The following BANK1 variants were observed in gnomAD, a reference collection of about 807,000 sequenced individuals.
BANK1 encodes B-cell scaffold protein with ankyrin repeats.
BANK1 carries 95 observed loss-of-function variants against 94.5 expected under a neutral mutation model. The observed-to-expected ratio is 1.00, with a 90% CI of 0.85 to 1.19. The LOEUF (loss-of-function observed/expected upper bound fraction) is 1.19. BANK1 is among the 50% of genes most tolerant of loss of function. The pLI is 0.00. For missense variants in BANK1, 987 were observed against 932.2 expected (o/e 1.06, Z -0.77); for synonymous variants, 334 against 308.4 (o/e 1.08, Z -0.87).
At chr4:101,932,587 A>G (rs931345007) in intron 7 of BANK1, among the ~76,000 whole-genome samples, 18 of 151,522 alleles carry the variant, frequency 1.2e-4, no homozygotes, top group African/African-American at 3.1e-4. Flanking sequence ...GATAGCTTCT[A>G]AAAGGAAAAC....
chr4:101,912,820 A>T (rs2148898224), intron 6 of BANK1, among the ~76,000 whole-genome samples: 1 of 151,980 alleles, frequency 6.6e-6, no homozygotes, highest in Middle Eastern at 3.4e-3. Context: ...GATTTCCTAG[A>T]TTTACTTCCT....
At chr4:101,879,117 A>G (rs1328362922) in intron 5 of BANK1, among the ~76,000 whole-genome samples, 1 of 152,140 alleles carries the variant, frequency 6.6e-6, no homozygotes, top group East Asian at 1.9e-4. Context: ...CAGAGCAGAA[A>G]TAAATGAAAA....
intron 6 of BANK1, among the ~76,000 whole-genome samples, chr4:101,902,114 T>G (rs1414328565): frequency 6.6e-6 from 1 of 152,160 alleles, no homozygotes; most frequent in African/African-American, 2.4e-5. Context: ...GTTTCTGACT[T>G]GTGTCATCTT....
chr4:102,054,619 T>A (rs969298769), intron 11 of BANK1, among the ~76,000 whole-genome samples: 3 of 152,178 alleles, frequency 2.0e-5, no homozygotes, highest in Admixed American at 2.0e-4. Flanking sequence ...AGAATTAAAT[T>A]GATGTAAAAT....
rs1037660818 is a variant in BANK1 at position 101,893,213 on chromosome 4, G to A, written c.904-2092G>A. Among the ~76,000 whole-genome samples the A allele has an allele frequency of 4.6e-5, 7 of 151,698 alleles. No individual in the cohort carries two copies. In the South Asian group the frequency reaches 8.3e-4, roughly 18 times the overall value. Reference sequence around the variant, plus strand: ...TATCTATGGCATTTCTCTCATTAAAGTGCTGTGGTACCCTCCATGAGAAAT... The same window carrying A: ...TATCTATGGCATTTCTCTCATTAAAATGCTGTGGTACCCTCCATGAGAAAT... On this transcript the variant is annotated intron_variant, in intron 5 of 16. Coordinates refer to ENST00000322953, the MANE Select transcript of BANK1 (RefSeq NM_017935.5).
intron 10 of BANK1, among the ~76,000 whole-genome samples, chr4:102,035,171 A>G (rs1185848090): frequency 6.6e-6 from 1 of 152,118 alleles, no homozygotes; most frequent in Non-Finnish European, 1.5e-5. Flanking sequence ...CCTGCTTTAA[A>G]CCATCTTATG....
intron 1 of BANK1, among the ~76,000 whole-genome samples, chr4:101,802,718 CG>C (rs1725396755): frequency 6.6e-6 from 1 of 151,984 alleles, no homozygotes; most frequent in Admixed American, 6.6e-5. Context: ...CTATACCTCA[CG>C]TTTTTTTCTT....
At chr4:101,891,633 T>C (rs185112098) in intron 5 of BANK1, among the ~76,000 whole-genome samples, 1 of 152,206 alleles carries the variant, frequency 6.6e-6, no homozygotes, top group Admixed American at 6.5e-5. Flanking sequence ...GTTCAATCTT[T>C]TGTTATAGTC....
intron 7 of BANK1, among the ~76,000 whole-genome samples, chr4:102,021,095 C>A (rs1726881566): frequency 6.6e-6 from 1 of 152,036 alleles, no homozygotes; most frequent in Non-Finnish European, 1.5e-5. Flanking sequence ...TTTATAATTT[C>A]ATTGTCTTTC....
At chr4:101,845,665 A>C (rs1314504043) in intron 2 of BANK1, among the ~76,000 whole-genome samples, 1 of 152,230 alleles carries the variant, frequency 6.6e-6, no homozygotes, top group Non-Finnish European at 1.5e-5. Context: ...TGTAAAGTAA[A>C]TCATCCTTGT....
chr4:102,055,117 C>T (rs112271392), intron 11 of BANK1, among the ~76,000 whole-genome samples: 1 of 151,954 alleles, frequency 6.6e-6, no homozygotes, highest in African/African-American at 2.4e-5. Flanking sequence ...TATCACTAGA[C>T]TAATGACCAA....
chr4:101,977,162 A>T (rs921312431), intron 7 of BANK1: 4 of 152,178 alleles, frequency 2.6e-5, no homozygotes, highest in Admixed American at 2.0e-4. Flanking sequence ...TACACTGCAC[A>T]TTGAAAGCAG....
At chr4:101,791,940 T>C (rs114617092) in intron 1 of BANK1, among the ~76,000 whole-genome samples, 6,289 of 152,300 alleles carry the variant, frequency 0.041, 151 homozygotes, top group Non-Finnish European at 0.067. Flanking sequence ...CTATTGCATA[T>C]TGACATTCTT....
intron 5 of BANK1, among the ~76,000 whole-genome samples, chr4:101,872,844 C>T (rs1169893306): frequency 1.3e-5 from 2 of 151,858 alleles, no homozygotes; most frequent in Admixed American, 6.6e-5. Context: ...AAAAATTAGC[C>T]GAGCATGGTG....
intron 11 of BANK1, among the ~76,000 whole-genome samples, chr4:102,049,191 T>A (rs934505629): frequency 1.2e-4 from 19 of 152,290 alleles, no homozygotes; most frequent in African/African-American, 4.1e-4. Context: ...CTTGCATTAT[T>A]TGGTCTCTGC....
At chr4:101,835,189 T>A (rs1024033634) in intron 2 of BANK1, among the ~76,000 whole-genome samples, 2 of 152,236 alleles carry the variant, frequency 1.3e-5, no homozygotes, top group Non-Finnish European at 2.9e-5. Context: ...ACAGCATTGT[T>A]TATATGTGAT....
chr4:102,047,672 A>G (rs1330113245), intron 11 of BANK1, among the ~76,000 whole-genome samples: 2 of 152,162 alleles, frequency 1.3e-5, no homozygotes, highest in East Asian at 1.9e-4. Context: ...AAATTATTCA[A>G]TTACCATGTT....
At chr4:101,948,015 A>C (rs1002859329) in intron 7 of BANK1, among the ~76,000 whole-genome samples, 4 of 152,094 alleles carry the variant, frequency 2.6e-5, no homozygotes, top group African/African-American at 9.7e-5. Flanking sequence ...TATGCTATGT[A>C]CTGGAAATAA....
intron 11 of BANK1, among the ~76,000 whole-genome samples, chr4:102,055,714 C>A (rs951762499): frequency 3.3e-5 from 5 of 151,948 alleles, no homozygotes; most frequent in Admixed American, 2.6e-4. Flanking sequence ...AGAAATTATT[C>A]ACTGTAAATT....
Sources: gnomAD v4.1 joint callset for allele counts (sites outside exome capture counted in the v4.1 genomes callset) on GRCh38, gnomAD v4.1.1 for gene constraint, MANE v1.5 for transcripts, NCBI Gene and HGNC (gene_info 2026-07-23, HGNC 2026-07-21) for gene names.